Variants in ARHGAP42 observed in about 807,000 individuals in gnomAD.
ARHGAP42 encodes the protein Rho GTPase activating protein 42.
In ARHGAP42, 63 loss-of-function variants were observed where a neutral mutation model predicts 125.0. The ratio of observed to expected loss-of-function variants is 0.50; its 90% CI spans 0.41 to 0.62. ARHGAP42 has a LOEUF of 0.62. Among genes scored for constraint, ARHGAP42 ranks in the 20% least tolerant of loss-of-function variants. ARHGAP42 has a pLI of 0.00. For missense variants in ARHGAP42, 766 were observed against 1,024.2 expected (o/e 0.75, Z 3.44); for synonymous variants, 339 against 351.0 (o/e 0.97, Z 0.38).
At chr11:100,959,848 G>A (rs6590829) in intron 12 of ARHGAP42, 35 bp from the exon 13 acceptor site, 887,687 of 1,543,338 alleles carry the variant, frequency 0.58, 262,334 homozygotes, top group African/African-American at 0.69. Context: ...TGAGTTCAGC[G>A]TAAACACCTA....
intron 4 of ARHGAP42, among the ~76,000 whole-genome samples, chr11:100,909,788 C>T (rs1001495402): frequency 1.3e-5 from 2 of 152,078 alleles, no homozygotes; most frequent in Admixed American, 6.5e-5. Context: ...AATAGGGTGT[C>T]CTTTCCCTAT....
chr11:100,775,446 A>C (rs2134998064), intron 2 of ARHGAP42, among the ~76,000 whole-genome samples: 1 of 152,344 alleles, frequency 6.6e-6, no homozygotes, highest in East Asian at 1.9e-4. Context: ...ATACAAAAAC[A>C]ATACCCATTG....
chr11:100,702,335 A>T (rs1237098252), intron 1 of ARHGAP42, among the ~76,000 whole-genome samples: 1 of 152,164 alleles, frequency 6.6e-6, no homozygotes, highest in East Asian at 1.9e-4. Flanking sequence ...ACATTTATTG[A>T]CTAGGTTCAC....
chr11:100,878,223 G>A (rs557150013), intron 4 of ARHGAP42, among the ~76,000 whole-genome samples: 34 of 151,850 alleles, frequency 2.2e-4, no homozygotes, highest in South Asian at 6.3e-4. Flanking sequence ...CCGCCTCCCT[G>A]TTTCAAGTGA....
intron 4 of ARHGAP42, among the ~76,000 whole-genome samples, chr11:100,912,990 A>T (rs1445452377): frequency 6.6e-6 from 1 of 152,202 alleles, no homozygotes; most frequent in Non-Finnish European, 1.5e-5. Context: ...TTCTGTGAAA[A>T]GATTCCATGT....
intron 1 of ARHGAP42, among the ~76,000 whole-genome samples, chr11:100,760,362 T>C (rs1233990723): frequency 6.6e-6 from 1 of 152,130 alleles, no homozygotes; most frequent in East Asian, 1.9e-4. Context: ...AAAGATGACA[T>C]CTTTCACTAG....
chr11:100,706,966 G>T (rs137871373), intron 1 of ARHGAP42, among the ~76,000 whole-genome samples: 200 of 152,148 alleles, frequency 1.3e-3, no homozygotes, highest in African/African-American at 4.4e-3. Flanking sequence ...CTACATAATT[G>T]CCTGTTCTGG....
chr11:100,855,909 A>T (rs938907175), intron 3 of ARHGAP42, among the ~76,000 whole-genome samples: 1 of 152,154 alleles, frequency 6.6e-6, no homozygotes, highest in Admixed American at 6.6e-5. Flanking sequence ...GGTAATGGCT[A>T]GTAATTATAA....
intron 4 of ARHGAP42, among the ~76,000 whole-genome samples, chr11:100,899,862 A>G (rs186855597): frequency 2.0e-5 from 3 of 151,510 alleles, no homozygotes; most frequent in East Asian, 3.9e-4. Context: ...TCTTTATCCA[A>G]TTTGCCAGTC....
At chr11:100,784,073 G>A (rs1448551476) in intron 2 of ARHGAP42, among the ~76,000 whole-genome samples, 2 of 152,218 alleles carry the variant, frequency 1.3e-5, no homozygotes, top group African/African-American at 2.4e-5. Context: ...ATCAGAAGAT[G>A]CCTAAATAGA....
At position 100,990,998 on chromosome 11, in the gene ARHGAP42, A is replaced by C. The variant is rs905412064; in HGVS notation, c.*2197A>C. ...TTCCATTCAGATTTAAAGCTTTTTT[A>C]CTGCATAGGATGTGGATAGGAAGCC... On this transcript the variant is annotated 3_prime_UTR_variant, in exon 24 of 24. Transcript: ENST00000298815. 1 of 152,146 alleles carries C rather than the reference A, an allele frequency of 6.6e-6. No homozygotes were observed. Among genetic ancestry groups the C allele is most frequent in the Non-Finnish European group, 1.5e-5 (1 of 68,024 alleles). 9.4% of individuals were successfully genotyped at this position (152,146 alleles called of 1,614,324 possible).
At position 100,965,529 on chromosome 11, in the gene ARHGAP42, A is replaced by G. The variant is rs1482868065; in HGVS notation, c.1445-142A>G. On this transcript the variant is annotated intron_variant, in intron 16 of 23. Transcript: ENST00000298815. The stretch of plus-strand genomic sequence containing the variant: ...TACTCAACTTCTGCAAGCCATAGGG[A>G]ATGATAATGACAGTACTACATGAAG... 1.3e-5 allele frequency: 9 copies of G among 718,922 alleles called. No individual in the cohort carries two copies. The East Asian group carries it at 2.5e-4, about 20-fold the overall frequency. 44.5% of individuals were successfully genotyped at this position (718,922 alleles called of 1,614,324 possible).
In ARHGAP42 at chr11:100,880,218, T is replaced by A. The variant is rs1865924827; in HGVS notation, c.384+20593T>A. Among the ~76,000 whole-genome samples the A allele has an allele frequency of 2.0e-5, 3 of 152,328 alleles. No individual in the cohort carries two copies. In the South Asian group the frequency reaches 6.2e-4, roughly 32 times the overall value. On this transcript the variant is annotated intron_variant, in intron 4 of 23. Transcript: ENST00000298815. The stretch of plus-strand genomic sequence containing the variant: ...CATCCATCACCCAAGCAGTATACAC[T>A]GTATCCAATTTGTAGTCTTTTATCC...
At chr11:100,853,574 A>G (rs1053300430) in intron 3 of ARHGAP42, among the ~76,000 whole-genome samples, 2 of 152,180 alleles carry the variant, frequency 1.3e-5, no homozygotes, top group African/African-American at 4.8e-5. Flanking sequence ...ACCTAGAGTT[A>G]TGATGTTAAT....
rs377763591 is a variant in ARHGAP42, at chr11:100,795,130, A to G, written c.276A>G (p.Arg92=). 6.5e-7 allele frequency: 1 copy of G among 1,546,930 alleles called. No individual in the cohort carries two copies. Among genetic ancestry groups the G allele is most frequent in the Non-Finnish European group, 8.7e-7 (1 of 1,145,172 alleles). The change falls in exon 3 of 24, where the codon AGA becomes AGG. Residue 92 remains arginine, a synonymous_variant. Coordinates refer to ENST00000298815, the MANE Select transcript of ARHGAP42 (RefSeq NM_152432.4). The stretch of plus-strand genomic sequence containing the variant: ...CTCAGTCACTAAAAGAATTTGCAAG[A>G]CTACTCATTGCAGTAGAAGAAGAAA... ...SIAQSLKEFA[R]LLIAVEEERR... is the part of the protein sequence containing the mutation.
chr11:100,751,277 G>GTTTTTTTTTTTTTTTTTTTTTTTTTTTT (rs756243174), intron 1 of ARHGAP42, among the ~76,000 whole-genome samples: 2 of 121,668 alleles, frequency 1.6e-5, no homozygotes, highest in African/African-American at 6.7e-5. Flanking sequence ...GTGTGTGTGT[G>GTTTTTTTTTTTTTTTTTTTTTTTTTTTT]TGTTTTTTTT....
At chr11:100,803,349 A>G (rs1475474661) in intron 3 of ARHGAP42, among the ~76,000 whole-genome samples, 1 of 152,160 alleles carries the variant, frequency 6.6e-6, no homozygotes. Flanking sequence ...AGTTGTCAAC[A>G]TGTGTGAGGC....
At chr11:100,883,076 T>G (rs1363463132) in intron 4 of ARHGAP42, among the ~76,000 whole-genome samples, 2 of 152,222 alleles carry the variant, frequency 1.3e-5, no homozygotes, top group Non-Finnish European at 2.9e-5. Context: ...TTGTATTGTT[T>G]TTTGTTTCAA....
intron 7 of ARHGAP42, among the ~76,000 whole-genome samples, chr11:100,935,430 A>G (rs1259521538): frequency 6.6e-6 from 1 of 152,176 alleles, no homozygotes; most frequent in African/African-American, 2.4e-5. Context: ...AGCCTTTGGA[A>G]CTGTGGTAAC....
Sources: allele counts gnomAD v4.1 joint callset (sites outside exome capture counted in the v4.1 genomes callset), GRCh38; gene constraint gnomAD v4.1.1; transcripts MANE v1.5; gene names NCBI Gene and HGNC (gene_info 2026-07-23, HGNC 2026-07-21).